The following AKAP12 variants were observed in gnomAD, a reference collection of about 807,000 sequenced individuals.
The protein encoded by AKAP12 is A-kinase anchor protein 12.
AKAP12 carries 32 observed loss-of-function variants against 79.9 expected under a neutral mutation model. The observed-to-expected ratio is 0.40, with a 90% CI of 0.30 to 0.54. AKAP12 has a LOEUF of 0.54. Ranked by LOEUF, AKAP12 falls within the 20% of genes least tolerant of loss-of-function variation. The pLI, the probability that AKAP12 is intolerant of heterozygous loss-of-function variation, is 0.48. For synonymous variants in AKAP12, 808 were observed against 857.0 expected (o/e 0.94, Z 1.00); for missense variants, 2,074 against 2,177.0 (o/e 0.95, Z 0.94).
intron 2 of AKAP12, among the ~76,000 whole-genome samples, chr6:151,258,603 C>T (rs1797347690): frequency 6.6e-6 from 1 of 152,114 alleles, no homozygotes; most frequent in African/African-American, 2.4e-5. Flanking sequence ...TCTACTGATT[C>T]CTGCTTCTTA....
In AKAP12 at chr6:151,350,866, A is replaced by G; in HGVS notation, c.2475A>G (p.Gln825=). The change falls in exon 4 of 5, where the codon CAA becomes CAG. Residue 825 remains glutamine, a synonymous_variant. Transcript: ENST00000402676. The surrounding 1 kb of genome is among the most constrained non-coding windows in gnomAD (Gnocchi z 4.8). ...RKKRPDGKQE[Q]APVEDAGPTG... is the part of the protein sequence containing the mutation. Reference sequence around the variant, plus strand: ...AAAGGCCAGATGGGAAACAAGAACAAGCCCCTGTTGAAGACGCAGGGCCAA... The same window carrying G: ...AAAGGCCAGATGGGAAACAAGAACAGGCCCCTGTTGAAGACGCAGGGCCAA... The G allele has an allele frequency of 6.2e-7, 1 of 1,614,130 alleles. No homozygotes were observed. The highest frequency in any genetic ancestry group is 8.5e-7 in the Non-Finnish European group (1 of 1,180,026).
At chr6:151,252,354 C>A (rs796999749) in intron 2 of AKAP12, among the ~76,000 whole-genome samples, 1 of 152,000 alleles carries the variant, frequency 6.6e-6, no homozygotes, top group African/African-American at 2.4e-5. Context: ...GGCCACCATG[C>A]CTGGCTAATT....
chr6:151,334,449 GC>G (rs1777757788), intron 3 of AKAP12, among the ~76,000 whole-genome samples: 1 of 151,922 alleles, frequency 6.6e-6, no homozygotes, highest in African/African-American at 2.4e-5. Context: ...GAAATATTTA[GC>G]GGGGCGTGGT....
chr6:151,286,288 A>C (rs941653133), intron 2 of AKAP12, among the ~76,000 whole-genome samples: 1 of 152,232 alleles, frequency 6.6e-6, no homozygotes, highest in Non-Finnish European at 1.5e-5. Context: ...CATCAGGCTG[A>C]AAGCATTTTC....
At chr6:151,261,725 TTTTATTATTTTA>T (rs1407403905) in intron 2 of AKAP12, among the ~76,000 whole-genome samples, 5 of 141,968 alleles carry the variant, frequency 3.5e-5, no homozygotes, top group African/African-American at 7.9e-5. Context: ...CAACAGTGGT[TTTTATTATTTTA>T]TTTATTTATT....
At chr6:151,251,875 T>C (rs2114685533) in intron 2 of AKAP12, among the ~76,000 whole-genome samples, 1 of 152,188 alleles carries the variant, frequency 6.6e-6, no homozygotes, top group East Asian at 1.9e-4. Flanking sequence ...CACGCGCCTG[T>C]AGTCCCACCT....
At position 151,295,674 on chromosome 6, in the gene AKAP12, G is replaced by A. The variant is rs367597697; in HGVS notation, c.163-10073G>A. ...TAAACGAATGTGACAGCATGACAAA[G>A]CTGGTCTAACCAAGCCAATCAGGTA... On this transcript the variant is annotated intron_variant, in intron 2 of 4. Transcript: ENST00000402676. Among the ~76,000 whole-genome samples the A allele has an allele frequency of 3.5e-4, 54 of 152,366 alleles. 1 individual carries two copies. In the South Asian group the frequency reaches 0.01, roughly 29 times the overall value.
At chr6:151,287,951 A>G (rs1005032865) in intron 2 of AKAP12, among the ~76,000 whole-genome samples, 3 of 152,108 alleles carry the variant, frequency 2.0e-5, no homozygotes, top group Non-Finnish European at 4.4e-5. Context: ...ATTCTCAGCA[A>G]ACTAACACAG....
At chr6:151,320,536 A>G (rs771387545) in intron 3 of AKAP12, among the ~76,000 whole-genome samples, 3 of 151,900 alleles carry the variant, frequency 2.0e-5, no homozygotes, top group Non-Finnish European at 4.4e-5. Flanking sequence ...GTCCATTCCC[A>G]GGGTCCTTTT....
In AKAP12 at chr6:151,350,580, C is replaced by T; in HGVS notation, c.2189C>T (p.Ala730Val). The change falls in exon 4 of 5, where the codon GCT becomes GTT. Residue 730 changes from alanine to valine, a missense_variant. This residue lies in a region of AKAP12 where 1,428 missense variants were observed against 1,451.0 expected (regional missense o/e 0.98). Coordinates refer to ENST00000402676, the MANE Select transcript of AKAP12 (RefSeq NM_005100.4). The surrounding 1 kb of genome is among the most constrained non-coding windows in gnomAD (Gnocchi z 4.8). ...DKETGTDGIL[A>V]GSQEHDPGQG... ...GAGACGGGGACAGACGGGATCCTTG[C>T]TGGTTCCCAAGAACATGATCCAGGG... 6.2e-7 allele frequency: 1 copy of T among 1,614,110 alleles called. No homozygotes were observed. The highest frequency in any genetic ancestry group is 8.5e-7 in the Non-Finnish European group (1 of 1,180,008).
At chr6:151,310,715 G>A (rs1777079130) in intron 3 of AKAP12, among the ~76,000 whole-genome samples, 1 of 152,086 alleles carries the variant, frequency 6.6e-6, no homozygotes, top group Non-Finnish European at 1.5e-5. Context: ...TTTGATAATA[G>A]CATATTTGAT....
intron 3 of AKAP12, among the ~76,000 whole-genome samples, chr6:151,337,693 C>T (rs980316619): frequency 6.6e-6 from 1 of 152,078 alleles, no homozygotes; most frequent in African/African-American, 2.4e-5. Flanking sequence ...GAAAACAAAA[C>T]AAACATCAGT....
intron 4 of AKAP12, among the ~76,000 whole-genome samples, 200 bp from the exon 5 acceptor site, chr6:151,355,527 T>G (rs1032897585): frequency 6.6e-6 from 1 of 151,614 alleles, no homozygotes; most frequent in African/African-American, 2.4e-5. Flanking sequence ...GGTCTCGATC[T>G]CTTTACCTCA....
intron 2 of AKAP12, among the ~76,000 whole-genome samples, chr6:151,278,278 C>T (rs1776325435): frequency 1.3e-5 from 2 of 152,118 alleles, no homozygotes; most frequent in Non-Finnish European, 2.9e-5. Flanking sequence ...TAAAGTGGTG[C>T]GATCTCGGCT....
chr6:151,341,722 C>G (rs984043479), intron 3 of AKAP12: 8 of 1,269,826 alleles, frequency 6.3e-6, no homozygotes, highest in Non-Finnish European at 8.2e-6. Context: ...CAGTTCGCCC[C>G]GCAGCGATGG....
At chr6:151,244,413 A>G (rs943600194) in intron 2 of AKAP12, among the ~76,000 whole-genome samples, 2 of 152,074 alleles carry the variant, frequency 1.3e-5, no homozygotes, top group Non-Finnish European at 2.9e-5. Flanking sequence ...AGTCCCAGCC[A>G]CTCGGGAGGC....
chr6:151,306,191 G>C (rs1776974325), intron 3 of AKAP12, among the ~76,000 whole-genome samples: 1 of 152,178 alleles, frequency 6.6e-6, no homozygotes, highest in Non-Finnish European at 1.5e-5. Context: ...GGAAACAGAA[G>C]TCATGGTTGC....
intron 2 of AKAP12, among the ~76,000 whole-genome samples, chr6:151,294,550 T>C (rs981661047): frequency 9.2e-5 from 14 of 152,192 alleles, no homozygotes; most frequent in African/African-American, 3.4e-4. Context: ...TTTGCCAACA[T>C]TACAAGGTAG....
At chr6:151,346,243 A>G (rs1401550298) in intron 3 of AKAP12, among the ~76,000 whole-genome samples, 1 of 152,116 alleles carries the variant, frequency 6.6e-6, no homozygotes, top group African/African-American at 2.4e-5. Context: ...ACTTCCCCCC[A>G]TTAAATCACA....
Sources: allele counts gnomAD v4.1 joint callset (sites outside exome capture counted in the v4.1 genomes callset), GRCh38; gene constraint gnomAD v4.1.1; regional missense constraint gnomAD v4.1.1; non-coding constraint Gnocchi (gnomAD v3.1); transcripts MANE v1.5; gene names NCBI Gene and HGNC (gene_info 2026-07-23, HGNC 2026-07-21).